FAM110B: variants seen among roughly 807,000 people sequenced by gnomAD.
The protein encoded by FAM110B is family with sequence similarity 110 member B, also known as protein FAM110B.
In FAM110B, 6 loss-of-function variants were observed where a neutral mutation model predicts 20.4. The observed-to-expected ratio is 0.29, with a 90% CI of 0.16 to 0.58. The LOEUF (loss-of-function observed/expected upper bound fraction) is 0.58, where lower values mean the gene tolerates loss of function less well. Ranked by LOEUF, FAM110B falls within the 20% of genes least tolerant of loss-of-function variation. The pLI, the probability that FAM110B is intolerant of heterozygous loss-of-function variation, is 0.90. For missense variants in FAM110B, 434 were observed against 498.2 expected (o/e 0.87, Z 1.23); for synonymous variants, 226 against 214.1 (o/e 1.06, Z -0.49).
At chr8:58,128,064 T>C (rs1201916759) in intron 3 of FAM110B, among the ~76,000 whole-genome samples, 1 of 152,226 alleles carries the variant, frequency 6.6e-6, no homozygotes, top group Non-Finnish European at 1.5e-5. Context: ...AATAACCGTT[T>C]TACTATAAAA....
chr8:58,074,735 C>A, intron 2 of FAM110B, among the ~76,000 whole-genome samples: 1 of 152,232 alleles, frequency 6.6e-6, no homozygotes, highest in Admixed American at 6.5e-5. Context: ...GCTCCTGGGG[C>A]AATCAAGAGC....
chr8:58,118,265 G>A (rs1309670075), intron 3 of FAM110B, among the ~76,000 whole-genome samples: 1 of 152,180 alleles, frequency 6.6e-6, no homozygotes, highest in Non-Finnish European at 1.5e-5. Flanking sequence ...AGCATGGTCT[G>A]TCCTGGAAAT....
chr8:58,064,739 T>G (rs994128859), intron 2 of FAM110B, among the ~76,000 whole-genome samples: 19 of 152,296 alleles, frequency 1.2e-4, no homozygotes, highest in African/African-American at 4.3e-4. Flanking sequence ...CACAACATCC[T>G]CCTCCAAATG....
intron 2 of FAM110B, among the ~76,000 whole-genome samples, chr8:58,068,600 A>T (rs1805824341): frequency 3.5e-4 from 2 of 5,760 alleles, no homozygotes; most frequent in Non-Finnish European, 9.1e-4. Flanking sequence ...GCTAAAAATA[A>T]AAAAAAAAAA....
intron 3 of FAM110B, among the ~76,000 whole-genome samples, chr8:58,136,414 C>T (rs1484307459): frequency 6.6e-6 from 1 of 152,118 alleles, no homozygotes; most frequent in Admixed American, 6.5e-5. Flanking sequence ...TGGCCTCACA[C>T]ATTGTCACAA....
intron 3 of FAM110B, among the ~76,000 whole-genome samples, chr8:58,092,966 G>A (rs544513930): frequency 6.6e-5 from 10 of 152,248 alleles, no homozygotes; most frequent in South Asian, 4.1e-4. Context: ...GTATCTCATC[G>A]TGGTTTTGTT....
Position 58,117,465 on chromosome 8 carries a change from A to G in FAM110B, c.-324-28442A>G, listed in dbSNP as rs1473377302. ...GAGGCTTTAACCTCTCAGCACCTCA[A>G]TTTCTTCCTTGGCCACATGGTAGTC... On this transcript the variant is annotated intron_variant, in intron 3 of 3. Coordinates refer to ENST00000519262, the MANE Select transcript of FAM110B (RefSeq NM_001377989.1). 2.6e-5 allele frequency among the ~76,000 whole-genome samples: 4 copies of G among 152,168 alleles called. No homozygotes were observed. In the East Asian group the frequency reaches 5.8e-4, roughly 22 times the overall value.
chr8:58,060,773 C>A (rs72660384), intron 2 of FAM110B, among the ~76,000 whole-genome samples: 3,366 of 152,256 alleles, frequency 0.022, 56 homozygotes, highest in East Asian at 0.04. Flanking sequence ...CTTCTCTCAA[C>A]CTATCCCAAG....
At chr8:58,058,047 T>G (rs1013594831) in intron 2 of FAM110B, among the ~76,000 whole-genome samples, 1 of 152,244 alleles carries the variant, frequency 6.6e-6, no homozygotes, top group Non-Finnish European at 1.5e-5. Context: ...TAGAATTGTC[T>G]GCATGTGGCT....
chr8:58,029,853 G>A (rs752072301), intron 1 of FAM110B, among the ~76,000 whole-genome samples: 16 of 152,172 alleles, frequency 1.1e-4, no homozygotes, highest in Non-Finnish European at 2.2e-4. Context: ...ATCCAATCTT[G>A]AAGTTCTCCA....
intron 1 of FAM110B, among the ~76,000 whole-genome samples, chr8:58,007,844 A>G (rs1804442899): frequency 6.6e-6 from 1 of 151,580 alleles, no homozygotes; most frequent in Non-Finnish European, 1.5e-5. Context: ...TAAGGCACCT[A>G]GGCATTATGC....
At position 58,100,321 on chromosome 8, in the gene FAM110B, C is replaced by T. The variant is rs532694734; in HGVS notation, c.-325+24698C>T. On this transcript the variant is annotated intron_variant, in intron 3 of 3. Coordinates refer to ENST00000519262, the MANE Select transcript of FAM110B (RefSeq NM_001377989.1). ...TATTCCCATCAGATACATTCTGAAG[C>T]TGGGTGGGCTCCTTCAAAGAGAGCA... Among the ~76,000 whole-genome samples, 6 of 150,926 alleles carry T rather than the reference C, an allele frequency of 4.0e-5. No homozygotes were observed. In the East Asian group the frequency reaches 9.7e-4, roughly 25 times the overall value.
chr8:58,078,302 C>T (rs1297231612), intron 3 of FAM110B, among the ~76,000 whole-genome samples: 1 of 152,076 alleles, frequency 6.6e-6, no homozygotes, highest in South Asian at 2.1e-4. Context: ...TTTGGTCAAA[C>T]CTTTTGGAGT....
chr8:58,140,962 T>A, intron 3 of FAM110B, among the ~76,000 whole-genome samples: 1 of 152,228 alleles, frequency 6.6e-6, no homozygotes, highest in East Asian at 1.9e-4. Context: ...TTACACATAA[T>A]TGCTCCACCA....
chr8:58,025,232 T>C (rs1277993343), intron 1 of FAM110B, among the ~76,000 whole-genome samples: 3 of 152,070 alleles, frequency 2.0e-5, no homozygotes, highest in Non-Finnish European at 2.9e-5. Context: ...AGGGGAGAAG[T>C]GGTCAAAGCT....
intron 2 of FAM110B, among the ~76,000 whole-genome samples, chr8:58,061,079 C>G (rs1344774800): frequency 6.6e-6 from 1 of 152,214 alleles, no homozygotes; most frequent in Non-Finnish European, 1.5e-5. Flanking sequence ...CAGCTACCAT[C>G]TTTCTAAAGC....
intron 2 of FAM110B, 111 bp from the exon 3 acceptor site, chr8:58,075,424 T>C (rs887089129): frequency 6.6e-6 from 1 of 152,058 alleles, no homozygotes; most frequent in African/African-American, 2.4e-5. Flanking sequence ...CAGCCTGTAT[T>C]GACTAATTTT....
At chr8:58,035,562 C>T (rs1248440133) in intron 2 of FAM110B, among the ~76,000 whole-genome samples, 1 of 152,208 alleles carries the variant, frequency 6.6e-6, no homozygotes, top group Non-Finnish European at 1.5e-5. Flanking sequence ...TCTGAGCCCT[C>T]CTGGCCATAG....
At chr8:58,069,444 GT>G (rs1349866430) in intron 2 of FAM110B, among the ~76,000 whole-genome samples, 8 of 152,206 alleles carry the variant, frequency 5.3e-5, no homozygotes, top group African/African-American at 1.7e-4. Flanking sequence ...AACCCCGGCA[GT>G]CTGGCTGTGA....
Sources: gnomAD v4.1 joint callset for allele counts (sites outside exome capture counted in the v4.1 genomes callset) on GRCh38, gnomAD v4.1.1 for gene constraint, MANE v1.5 for transcripts, NCBI Gene and HGNC (gene_info 2026-07-23, HGNC 2026-07-21) for gene names.